Variants in OPCML observed in about 807,000 individuals in gnomAD.
The protein encoded by OPCML is opioid binding protein/cell adhesion molecule like, also known as opioid-binding protein/cell adhesion molecule.
A neutral mutation model predicts 37.8 loss-of-function variants in OPCML; 13 were observed. The observed-to-expected ratio is 0.34, with a 90% CI of 0.22 to 0.55. The LOEUF (loss-of-function observed/expected upper bound fraction) is 0.55, where lower values mean the gene tolerates loss of function less well. Among genes scored for constraint, OPCML ranks in the 20% least tolerant of loss-of-function variants. OPCML has a pLI of 0.91. For missense variants in OPCML, 341 were observed against 435.6 expected (o/e 0.78, Z 1.93); for synonymous variants, 176 against 168.8 (o/e 1.04, Z -0.33).
intron 1 of OPCML, among the ~76,000 whole-genome samples, chr11:133,416,497 C>T (rs571127903): frequency 2.6e-5 from 4 of 152,346 alleles, no homozygotes; most frequent in Admixed American, 2.6e-4. Flanking sequence ...ACCTCTAACA[C>T]CTTGCCAGTG....
chr11:132,694,676 C>T (rs922474605), intron 2 of OPCML, among the ~76,000 whole-genome samples: 5 of 152,168 alleles, frequency 3.3e-5, no homozygotes, highest in African/African-American at 9.7e-5. Context: ...AAGGTGGTGA[C>T]TGCATAGATA....
At chr11:132,774,641 C>T (rs1460021394) in intron 2 of OPCML, among the ~76,000 whole-genome samples, 1 of 152,156 alleles carries the variant, frequency 6.6e-6, no homozygotes, top group African/African-American at 2.4e-5. Flanking sequence ...AGGTTTATTT[C>T]CAGAAATTAG....
intron 1 of OPCML, among the ~76,000 whole-genome samples, chr11:133,319,915 G>C (rs576092573): frequency 6.6e-6 from 1 of 152,246 alleles, no homozygotes; most frequent in East Asian, 1.9e-4. Flanking sequence ...AGAATTTTTT[G>C]GAATTTCCAA....
chr11:133,138,848 G>A (rs151008546), intron 1 of OPCML, among the ~76,000 whole-genome samples: 165 of 152,234 alleles, frequency 1.1e-3, no homozygotes, highest in African/African-American at 3.8e-3. Context: ...TGCCTTTACT[G>A]AGCTCCTAAG....
intron 1 of OPCML, among the ~76,000 whole-genome samples, chr11:133,095,734 T>A (rs918533395): frequency 6.6e-6 from 1 of 151,106 alleles, no homozygotes; most frequent in African/African-American, 2.4e-5. Context: ...AAGACCACCT[T>A]ATCTACAGAG....
chr11:133,023,945 A>G (rs1223550594), intron 1 of OPCML, among the ~76,000 whole-genome samples: 1 of 152,162 alleles, frequency 6.6e-6, no homozygotes, highest in Non-Finnish European at 1.5e-5. Context: ...AGGTGAAGGA[A>G]GAATAACAGT....
rs1368739020 is a variant in OPCML, at chr11:133,205,420, A to C, written c.62-262410T>G. ...CTGAGTTCTGTGATCCACTCTAGTAAATGAATTAAACCTGAAGAGGTGGGG... is the reference window on the plus strand; with the variant it reads ...CTGAGTTCTGTGATCCACTCTAGTACATGAATTAAACCTGAAGAGGTGGGG... On this transcript the variant is annotated intron_variant, in intron 1 of 7. Transcript: ENST00000524381. The surrounding 1 kb of genome is among the most constrained non-coding windows in gnomAD (Gnocchi z 4.8). 6.6e-6 allele frequency among the ~76,000 whole-genome samples: 1 copy of C among 152,106 alleles called. No individual in the cohort carries two copies. Among genetic ancestry groups the C allele is most frequent in the African/African-American group, 2.4e-5 (1 of 41,394 alleles).
intron 2 of OPCML, among the ~76,000 whole-genome samples, chr11:132,757,381 C>T (rs1946091857): frequency 6.6e-6 from 1 of 152,194 alleles, no homozygotes; most frequent in African/African-American, 2.4e-5. Flanking sequence ...ACCACACTGC[C>T]TTCCACAATG....
intron 1 of OPCML, among the ~76,000 whole-genome samples, chr11:133,162,472 A>G (rs1950156542): frequency 6.6e-6 from 1 of 152,188 alleles, no homozygotes; most frequent in African/African-American, 2.4e-5. Flanking sequence ...ATCTCAATCC[A>G]TCTTGCTTTG....
intron 2 of OPCML, among the ~76,000 whole-genome samples, chr11:132,789,935 C>G (rs953377650): frequency 6.6e-6 from 1 of 152,130 alleles, no homozygotes; most frequent in Non-Finnish European, 1.5e-5. Flanking sequence ...GTATCCTGGA[C>G]ATTATTTCTG....
chr11:133,264,897 T>C (rs1376270284), intron 1 of OPCML, among the ~76,000 whole-genome samples: 3 of 152,242 alleles, frequency 2.0e-5, no homozygotes, highest in Non-Finnish European at 4.4e-5. Context: ...CACGGAATAG[T>C]TAATTATGTG....
chr11:133,135,723 C>T (rs568758913), intron 1 of OPCML, among the ~76,000 whole-genome samples: 41 of 152,276 alleles, frequency 2.7e-4, no homozygotes, highest in African/African-American at 8.7e-4. Context: ...CACTAGAATG[C>T]GTTGGAGTGT....
intron 1 of OPCML, among the ~76,000 whole-genome samples, chr11:133,132,658 G>C (rs566630751): frequency 1.0e-3 from 156 of 152,126 alleles, no homozygotes; most frequent in Middle Eastern, 6.8e-3. Flanking sequence ...CGATACAATG[G>C]AATACTAATC....
rs147233253 is a variant in OPCML, at chr11:133,080,681, T to G, written c.62-137671A>C. On this transcript the variant is annotated intron_variant, in intron 1 of 7. Coordinates refer to ENST00000524381, the MANE Select transcript of OPCML (RefSeq NM_001012393.5). Reference sequence around the variant, plus strand: ...CACTGTGCCCGTTTATTTTCACTCATTCTATTGAGGAGCCATTTAGCACCT... The same window carrying G: ...CACTGTGCCCGTTTATTTTCACTCAGTCTATTGAGGAGCCATTTAGCACCT... 1.2e-3 allele frequency among the ~76,000 whole-genome samples: 183 copies of G among 152,180 alleles called. 2 individuals are homozygous for G. Among genetic ancestry groups the G allele is most frequent in the African/African-American group, 4.1e-3 (170 of 41,540 alleles).
intron 1 of OPCML, among the ~76,000 whole-genome samples, chr11:133,183,596 T>C (rs762170774): frequency 2.6e-5 from 4 of 152,182 alleles, no homozygotes; most frequent in South Asian, 2.1e-4. Context: ...GGATCTACTA[T>C]ACTGAAAAAA....
chr11:132,449,988 T>A (rs775438830), intron 4 of OPCML, among the ~76,000 whole-genome samples: 28 of 152,106 alleles, frequency 1.8e-4, no homozygotes, highest in Non-Finnish European at 3.1e-4. Flanking sequence ...AGGTGTGAGT[T>A]CTGTTTCTGC....
intron 4 of OPCML, among the ~76,000 whole-genome samples, chr11:132,449,580 C>A (rs1474280475): frequency 1.3e-5 from 2 of 152,190 alleles, no homozygotes; most frequent in East Asian, 3.9e-4. Flanking sequence ...AGGAAAGGGG[C>A]TGCCAGGACA....
chr11:132,770,205 C>G (rs1946592555), intron 2 of OPCML, among the ~76,000 whole-genome samples: 2 of 152,164 alleles, frequency 1.3e-5, no homozygotes, highest in African/African-American at 4.8e-5. Flanking sequence ...GTCTTAAATG[C>G]TGGGGATACC....
At chr11:132,960,361 C>T (rs1233808809) in intron 1 of OPCML, among the ~76,000 whole-genome samples, 1 of 152,184 alleles carries the variant, frequency 6.6e-6, no homozygotes, top group Admixed American at 6.5e-5. Context: ...GAATCCCGTT[C>T]TGAACAAACT....
Sources: gnomAD v4.1 joint callset for allele counts (sites outside exome capture counted in the v4.1 genomes callset) on GRCh38, gnomAD v4.1.1 for gene constraint, Gnocchi (gnomAD v3.1) non-coding constraint, MANE v1.5 for transcripts, NCBI Gene and HGNC (gene_info 2026-07-23, HGNC 2026-07-21) for gene names.